CACNA1H: variants seen among roughly 807,000 people sequenced by gnomAD.
The protein encoded by CACNA1H is calcium voltage-gated channel subunit alpha1 H.
CACNA1H carries 149 observed loss-of-function variants against 192.5 expected under a neutral mutation model. That is an observed-to-expected ratio of 0.77 (90% CI 0.68 to 0.89). The LOEUF is 0.89. Among genes scored for constraint, CACNA1H ranks in the 40% least tolerant of loss-of-function variants. The pLI, the probability that CACNA1H is intolerant of heterozygous loss-of-function variation, is 0.00. For missense variants in CACNA1H, 4,257 were observed against 3,423.5 expected (o/e 1.24, Z -6.08); for synonymous variants, 2,202 against 1,475.2 (o/e 1.49, Z -11.29).
rs767435491 is a variant in CACNA1H at position 1,209,304 on chromosome 16, C to A, written c.3636C>A (p.Thr1212=). The change falls in exon 17 of 35, where the codon ACC becomes ACA. Residue 1212 remains threonine, a synonymous_variant. Transcript: ENST00000348261. ...TGCGGCCGGCCGCCCTCCCGCCTAC[C>A]AAGTGCCGCGATCGCGACGGGCAGG... is the stretch of plus-strand genomic sequence containing the variant. ...RPLRPAALPP[T]KCRDRDGQVV... The A allele has an allele frequency of 4.1e-5, 65 of 1,595,178 alleles. 1 individual carries two copies. The East Asian group carries it at 1.1e-3, about 26-fold the overall frequency.
chr16:1,186,874 C>T (rs959791558), intron 2 of CACNA1H, among the ~76,000 whole-genome samples: 3 of 152,186 alleles, frequency 2.0e-5, no homozygotes, highest in Admixed American at 2.0e-4. Flanking sequence ...GTCCCACTCC[C>T]GTGGCCTCGA....
In CACNA1H at chr16:1,220,325, C is replaced by A; in HGVS notation, c.6393C>A (p.Asp2131Glu). The change falls in exon 35 of 35, where the codon GAC (aspartate) becomes GAA (glutamate). Residue 2131 changes from aspartate to glutamate, a missense_variant. Physicochemically the swap from Asp to Glu is conservative, Grantham distance 45. Transcript: ENST00000348261. ...CTCCGGTGGCCGGCGGCGAGCGGGACCTGCGCAGGCTCTACAGCGTGGATG... is the reference window on the plus strand; with the variant it reads ...CTCCGGTGGCCGGCGGCGAGCGGGAACTGCGCAGGCTCTACAGCGTGGATG... ...EASPVAGGER[D>E]LRRLYSVDAQ... is the part of the protein sequence containing the mutation. The A allele has an allele frequency of 6.4e-7, 1 of 1,557,350 alleles. No homozygotes were observed. The highest frequency in any genetic ancestry group is 8.6e-7 in the Non-Finnish European group (1 of 1,158,894).
intron 2 of CACNA1H, among the ~76,000 whole-genome samples, chr16:1,160,554 G>A (rs1025702469): frequency 2.0e-5 from 3 of 152,178 alleles, no homozygotes; most frequent in African/African-American, 7.2e-5. Flanking sequence ...GATGACAGAT[G>A]GGGACGGAGT....
rs904067921 is a variant in CACNA1H at position 1,200,772 on chromosome 16, A to G, written c.1176A>G (p.Ser392=). ...DIMYYVMDAH[S]FYNFIYFILL... Reference sequence around the variant, plus strand: ...TGTACTACGTCATGGACGCCCACTCATTCTACAACTTCATCTATTTCATCC... The same window carrying G: ...TGTACTACGTCATGGACGCCCACTCGTTCTACAACTTCATCTATTTCATCC... Residue 392 remains serine, a synonymous_variant, in exon 8 of 35, where the codon TCA becomes TCG. Coordinates refer to ENST00000348261, the MANE Select transcript of CACNA1H (RefSeq NM_021098.3). 1.7e-5 allele frequency: 26 copies of G among 1,554,440 alleles called. No individual in the cohort carries two copies. Among genetic ancestry groups the G allele is most frequent in the Admixed American group, 1.6e-4 (8 of 51,304 alleles).
Position 1,209,409 on chromosome 16 carries a change from G to A in CACNA1H, c.3741G>A (p.Glu1247=), listed in dbSNP as rs1474455885. Residue 1247 remains glutamate (E), a synonymous_variant, in exon 17 of 35, where the codon GAG becomes GAA. Transcript: ENST00000348261. The stretch of plus-strand genomic sequence containing the variant: ...CAGCCGAGCTTGACGACGACTCGGA[G>A]GACGTGAGTGCGTGGCCCTGGGCCC... ...EDAAELDDDS[E]DSCCLRLHKV... 4 of 1,597,230 alleles carry A rather than the reference G, an allele frequency of 2.5e-6. No individual in the cohort carries two copies. The highest frequency in any genetic ancestry group is 1.7e-5 in the Admixed American group (1 of 59,966).
At chr16:1,155,248 G>A (rs927544331) in intron 2 of CACNA1H, among the ~76,000 whole-genome samples, 4 of 152,218 alleles carry the variant, frequency 2.6e-5, no homozygotes, top group Non-Finnish European at 4.4e-5. Flanking sequence ...AGCCGGCCCC[G>A]GCCAGAGGGC....
intron 2 of CACNA1H, among the ~76,000 whole-genome samples, chr16:1,172,666 C>T (rs1270240320): frequency 2.0e-5 from 3 of 152,222 alleles, no homozygotes; most frequent in African/African-American, 4.8e-5. Context: ...TAACCGGCTT[C>T]CTGTAGCCAC....
At chr16:1,215,852 G>A (rs1211049191) in intron 30 of CACNA1H, among the ~76,000 whole-genome samples, 1 of 152,076 alleles carries the variant, frequency 6.6e-6, no homozygotes, top group Non-Finnish European at 1.5e-5. Flanking sequence ...AGAGGCGGGG[G>A]CCGTGGAGAG....
At position 1,180,425 on chromosome 16, in the gene CACNA1H, G is replaced by A. The variant is rs117253209; in HGVS notation, c.300-14547G>A. On this transcript the variant is annotated intron_variant, in intron 2 of 34. Coordinates refer to ENST00000348261, the MANE Select transcript of CACNA1H (RefSeq NM_021098.3). This position sits in a 1 kb window ranked among gnomAD's most constrained non-coding sequence, Gnocchi z 4.4. ...CTGAACCCCAGGTCTGTGGAGGCCCGAGGTCTGAAGGGAAATCCCCAGTGG... is the reference window on the plus strand; with the variant it reads ...CTGAACCCCAGGTCTGTGGAGGCCCAAGGTCTGAAGGGAAATCCCCAGTGG... Among the ~76,000 whole-genome samples, 793 of 152,302 alleles carry A rather than the reference G, an allele frequency of 5.2e-3. 1 individual carries two copies. The highest frequency in any genetic ancestry group is 8.9e-3 in the Non-Finnish European group (608 of 68,020).
rs1300073019 is a variant in CACNA1H, at chr16:1,215,044, C to G, written c.5002C>G (p.Leu1668Val). The G allele has an allele frequency of 6.2e-7, 1 of 1,613,124 alleles. No individual in the cohort carries two copies. The highest frequency in any genetic ancestry group is 1.1e-5 in the South Asian group (1 of 90,908). Residue 1668 changes from leucine (L) to valine (V), a missense_variant, in exon 28 of 35, where the codon CTG becomes GTG. Transcript: ENST00000348261. ...GTTTGTCTTCGAGGCTGCACTGAAG[C>G]TGGTAGCATTTGGGTTCCGTCGGTT... ...IVFVFEAALKLVAFGFRRFFK... is the reference protein window; with the variant it reads ...IVFVFEAALKVVAFGFRRFFK...
chr16:1,218,722 AG>A (rs1429134483), intron 33 of CACNA1H, 71 bp downstream of exon 33: 2 of 699,684 alleles, frequency 2.9e-6, no homozygotes, highest in Non-Finnish European at 4.5e-6. Flanking sequence ...GGCAGGTGGG[AG>A]GGAGGATGGG....
In CACNA1H at chr16:1,201,764, A is replaced by G. The variant is rs1967947495; in HGVS notation, c.1314A>G (p.Ala438=). Residue 438 remains alanine (A), a synonymous_variant, in exon 9 of 35, where the codon GCA becomes GCG. Coordinates refer to ENST00000348261, the MANE Select transcript of CACNA1H (RefSeq NM_021098.3). ...RESQLMREQR[A]RHLSNDSTLA... ...GTCAGCTGATGCGGGAGCAGCGGGC[A>G]CGCCACCTGTCCAACGACAGCACGC... is the stretch of plus-strand genomic sequence containing the variant. 6 of 1,607,458 alleles carry G rather than the reference A, an allele frequency of 3.7e-6. No individual in the cohort carries two copies. Among genetic ancestry groups the G allele is most frequent in the Non-Finnish European group, 2.5e-6 (3 of 1,177,912 alleles).
intron 2 of CACNA1H, among the ~76,000 whole-genome samples, chr16:1,163,740 G>C (rs1008287261): frequency 7.2e-5 from 11 of 152,328 alleles, no homozygotes; most frequent in African/African-American, 2.6e-4. Context: ...CTGGTAGCTG[G>C]GACCACGCTT....
At position 1,220,719 on chromosome 16, in the gene CACNA1H, G is replaced by A. The variant is rs750732485; in HGVS notation, c.6787G>A (p.Val2263Ile). The A allele has an allele frequency of 1.8e-5, 29 of 1,612,022 alleles. No homozygotes were observed. The highest frequency in any genetic ancestry group is 5.5e-5 in the South Asian group (5 of 91,068). ...QASCRAEHLT[V>I]PSFAFEPLDL... ...CTCCTGCCGGGCTGAGCACCTGACCGTCCCCAGCTTTGCCTTTGAGCCGCT... is the reference window on the plus strand; with the variant it reads ...CTCCTGCCGGGCTGAGCACCTGACCATCCCCAGCTTTGCCTTTGAGCCGCT... Residue 2263 changes from valine (V) to isoleucine (I), a missense_variant, in exon 35 of 35, where the codon GTC becomes ATC. Physicochemically the swap from Val to Ile is conservative, Grantham distance 29. Transcript: ENST00000348261.
At chr16:1,156,722 G>A (rs931908689) in intron 2 of CACNA1H, among the ~76,000 whole-genome samples, 20 of 152,122 alleles carry the variant, frequency 1.3e-4, no homozygotes, top group Admixed American at 1.3e-4. Context: ...CCATGCTCCC[G>A]GGGGTTGGCA....
chr16:1,169,472 C>T (rs556770466), intron 2 of CACNA1H, among the ~76,000 whole-genome samples: 1 of 152,226 alleles, frequency 6.6e-6, no homozygotes, highest in African/African-American at 2.4e-5. Flanking sequence ...CCGCGACGTT[C>T]CCCCAAGAAG....
chr16:1,159,280 G>C (rs1962868199), intron 2 of CACNA1H, among the ~76,000 whole-genome samples: 1 of 152,210 alleles, frequency 6.6e-6, no homozygotes, highest in Non-Finnish European at 1.5e-5. Flanking sequence ...GCCCGACAGG[G>C]GCAGAGTCCA....
chr16:1,194,012 G>A (rs973291940), intron 2 of CACNA1H, among the ~76,000 whole-genome samples: 3 of 152,136 alleles, frequency 2.0e-5, no homozygotes, highest in African/African-American at 7.2e-5. Flanking sequence ...GTGTTGGGCA[G>A]GGGGCGCTGC....
At chr16:1,177,394 G>A (rs957598518) in intron 2 of CACNA1H, among the ~76,000 whole-genome samples, 4 of 152,220 alleles carry the variant, frequency 2.6e-5, no homozygotes, top group Middle Eastern at 3.2e-3. Context: ...GGTACGGTGC[G>A]GGGACGGCGT....
Sources: allele counts gnomAD v4.1 joint callset (sites outside exome capture counted in the v4.1 genomes callset), GRCh38; gene constraint gnomAD v4.1.1; non-coding constraint Gnocchi (gnomAD v3.1); transcripts MANE v1.5; gene names NCBI Gene and HGNC (gene_info 2026-07-23, HGNC 2026-07-21).